Variants in CORO2B observed in about 807,000 individuals in gnomAD.
CORO2B encodes the protein coronin 2B, also known as coronin-2B.
Under a neutral mutation model 58.8 loss-of-function variants are expected in CORO2B, and 26 were observed. That is an observed-to-expected ratio of 0.44 (90% CI 0.32 to 0.61). CORO2B has a LOEUF of 0.61. Ranked by LOEUF, CORO2B falls within the 20% of genes least tolerant of loss-of-function variation. The pLI is 0.04. For missense variants in CORO2B, 460 were observed against 645.1 expected, an observed-to-expected ratio of 0.71 and a Z score of 3.11; for synonymous variants, 242 against 253.8, an observed-to-expected ratio of 0.95 and a Z score of 0.44.
chr15:68,613,172 G>A (rs1052994994), intron 1 of CORO2B, among the ~76,000 whole-genome samples: 3 of 152,110 alleles, frequency 2.0e-5, no homozygotes, highest in African/African-American at 4.8e-5. Context: ...ACACTTTATC[G>A]CATGACCACA....
chr15:68,572,912 T>C, the CORO2B span, among the ~76,000 whole-genome samples: 1 of 151,658 alleles, frequency 6.6e-6, no homozygotes, highest in Non-Finnish European at 1.5e-5. Flanking sequence ...TGCCCTGGGG[T>C]TTCCTCACTG....
chr15:68,622,796 G>A (rs1005304520), intron 1 of CORO2B, among the ~76,000 whole-genome samples: 1 of 152,178 alleles, frequency 6.6e-6, no homozygotes. Context: ...CAGTTTTGTT[G>A]ACCTTAACTC....
At chr15:68,519,107 GGCAAAACTGTTCAGCTGCAGCT>G in the CORO2B span, among the ~76,000 whole-genome samples, 4 of 152,162 alleles carry the variant, frequency 2.6e-5, no homozygotes, top group African/African-American at 9.7e-5. Context: ...CCTTGCGGGT[GGCAAAACTGTTCAGCTGCAGCT>G]GCTCCACACC....
At chr15:68,560,292 C>A in the CORO2B span, among the ~76,000 whole-genome samples, 3 of 144,444 alleles carry the variant, frequency 2.1e-5, no homozygotes, top group Non-Finnish European at 3.1e-5. Context: ...TTCTTTCTTT[C>A]TTTATTTTTT....
intron 11 of CORO2B, among the ~76,000 whole-genome samples, 183 bp from the exon 12 acceptor site, chr15:68,725,660 G>A (rs12914115): frequency 0.79 from 119,834 of 151,720 alleles, 47,560 homozygotes; most frequent in Middle Eastern, 0.85. Flanking sequence ...AGAGCCATGG[G>A]CTGAGCTAGA....
At chr15:68,703,584 A>C (rs541527725) in intron 3 of CORO2B, among the ~76,000 whole-genome samples, 1 of 151,978 alleles carries the variant, frequency 6.6e-6, no homozygotes, top group African/African-American at 2.4e-5. Context: ...GTGAACTCCA[A>C]CTCCTCCTGT....
At chr15:68,578,329 G>A (rs1461203484), upstream of CORO2B, among the ~76,000 whole-genome samples, 2 of 152,198 alleles carry the variant, frequency 1.3e-5, no homozygotes, top group African/African-American at 4.8e-5. This position sits in a 1 kb window ranked among gnomAD's most constrained non-coding sequence, Gnocchi z 4.2. Flanking sequence ...AACGGCTCGG[G>A]CAGGCAGGTC....
chr15:68,554,299 G>C, the CORO2B span, among the ~76,000 whole-genome samples: 1 of 152,084 alleles, frequency 6.6e-6, no homozygotes, highest in Non-Finnish European at 1.5e-5. Flanking sequence ...TCCCAGCCTC[G>C]GGACGTGGAG....
the CORO2B span, among the ~76,000 whole-genome samples, chr15:68,573,134 T>A: frequency 1.3e-5 from 2 of 152,032 alleles, no homozygotes; most frequent in East Asian, 3.9e-4. Context: ...TGTGTTCAGG[T>A]GGCTCCCTCA....
intron 1 of CORO2B, among the ~76,000 whole-genome samples, chr15:68,635,174 C>G (rs2140263911): frequency 6.6e-6 from 1 of 152,286 alleles, no homozygotes; most frequent in Admixed American, 6.5e-5. Flanking sequence ...ACCTTCACTC[C>G]TCTCCCCACT....
intron 3 of CORO2B, among the ~76,000 whole-genome samples, chr15:68,695,818 G>A (rs1159591633): frequency 6.6e-6 from 1 of 152,102 alleles, no homozygotes; most frequent in Non-Finnish European, 1.5e-5. Context: ...AGAAGAAACA[G>A]GAGAAGGGAG....
At chr15:68,562,585 T>C in the CORO2B span, among the ~76,000 whole-genome samples, 27 of 152,220 alleles carry the variant, frequency 1.8e-4, no homozygotes, top group South Asian at 5.2e-3. Flanking sequence ...GGGAAATACA[T>C]ATACAAAAAA....
the CORO2B span, among the ~76,000 whole-genome samples, chr15:68,561,863 T>C: frequency 3.3e-5 from 5 of 152,270 alleles, no homozygotes; most frequent in East Asian, 7.7e-4. Flanking sequence ...TAGTTGTGCA[T>C]GGGAATGTCA....
the CORO2B span, among the ~76,000 whole-genome samples, chr15:68,521,598 T>TACAC: frequency 7.3e-3 from 1,114 of 152,314 alleles, 10 homozygotes; most frequent in African/African-American, 0.025. Context: ...TTATTTCGCA[T>TACAC]ACACTTTGAA....
At chr15:68,632,153 G>T (rs779759655) in intron 1 of CORO2B, 29 of 985,496 alleles carry the variant, frequency 2.9e-5, no homozygotes, top group Non-Finnish European at 3.3e-5. Context: ...GGATGGTGAT[G>T]TGAGTGCCTC....
In CORO2B at chr15:68,645,201, T is replaced by C; in HGVS notation, c.57T>C (p.Asn19=). The change falls in exon 2 of 12, where the codon AAT becomes AAC. Residue 19 remains asparagine, a synonymous_variant. Coordinates refer to ENST00000261861, the MANE Select transcript of CORO2B (RefSeq NM_006091.5). The surrounding 1 kb of genome is among the most constrained non-coding windows in gnomAD (Gnocchi z 4.5). ...RPQYRSSKFR[N]VYGKVANREH... is the part of the protein sequence containing the mutation. ...AATACCGTAGCTCCAAGTTCCGGAA[T>C]GTCTACGGGAAGGTGGCCAACCGGG... 6.2e-7 allele frequency: 1 copy of C among 1,614,142 alleles called. No homozygotes were observed. Among genetic ancestry groups the C allele is most frequent in the Non-Finnish European group, 8.5e-7 (1 of 1,180,022 alleles).
the CORO2B span, among the ~76,000 whole-genome samples, chr15:68,537,450 G>C: frequency 6.6e-6 from 1 of 152,194 alleles, no homozygotes; most frequent in Non-Finnish European, 1.5e-5. Context: ...GGTCAGACTA[G>C]CCCACTGCTT....
intron 3 of CORO2B, among the ~76,000 whole-genome samples, chr15:68,702,879 T>G (rs1892689593): frequency 1.4e-5 from 2 of 141,242 alleles, no homozygotes; most frequent in Admixed American, 1.5e-4. Context: ...CAGGCTGGAG[T>G]GCTGTGACAC....
chr15:68,724,733 A>G (rs1893251590), intron 11 of CORO2B, among the ~76,000 whole-genome samples: 3 of 152,240 alleles, frequency 2.0e-5, no homozygotes, highest in Non-Finnish European at 1.5e-5. Flanking sequence ...TGCAATTACA[A>G]TAACAAATGT....
Sources: allele counts gnomAD v4.1 joint callset (sites outside exome capture counted in the v4.1 genomes callset), GRCh38; gene constraint gnomAD v4.1.1; non-coding constraint Gnocchi (gnomAD v3.1); transcripts MANE v1.5; gene names NCBI Gene and HGNC (gene_info 2026-07-23, HGNC 2026-07-21).